The following ZNF713 variants were observed in gnomAD, a reference collection of about 807,000 sequenced individuals.
ZNF713 encodes zinc finger protein 713.
A neutral mutation model predicts 28.7 loss-of-function variants in ZNF713; 21 were observed. The ratio of observed to expected loss-of-function variants is 0.73; its 90% CI spans 0.52 to 1.05. The LOEUF is 1.05. ZNF713 is among the 50% of genes least tolerant of loss of function. ZNF713 has a pLI of 0.00. For missense variants in ZNF713, 458 were observed against 532.4 expected (o/e 0.86, Z 1.37); for synonymous variants, 167 against 178.0 (o/e 0.94, Z 0.49).
chr7:55,916,233 G>A (rs999767222), intron 4 of ZNF713, among the ~76,000 whole-genome samples: 2 of 152,150 alleles, frequency 1.3e-5, no homozygotes, highest in African/African-American at 4.8e-5. Context: ...ATAGAATCTG[G>A]CCTGTTACCT....
At chr7:55,901,088 A>G (rs999883052) in intron 1 of ZNF713, among the ~76,000 whole-genome samples, 2 of 152,240 alleles carry the variant, frequency 1.3e-5, no homozygotes, top group Non-Finnish European at 2.9e-5. Context: ...CACAATGTGT[A>G]TTAGTCTGTT....
chr7:55,898,172 G>A (rs562849149), intron 1 of ZNF713, among the ~76,000 whole-genome samples: 4 of 152,332 alleles, frequency 2.6e-5, no homozygotes, highest in South Asian at 2.1e-4. Flanking sequence ...GTTCCATGAC[G>A]TTTGTCTAGA....
At chr7:55,935,898 T>C (rs1489361675) in intron 6 of ZNF713, among the ~76,000 whole-genome samples, 1 of 151,524 alleles carries the variant, frequency 6.6e-6, no homozygotes, top group Non-Finnish European at 1.5e-5. Flanking sequence ...GCGCTTGCAA[T>C]GAGCCGAGAT....
At chr7:55,915,719 G>T (rs1342314473) in intron 4 of ZNF713, among the ~76,000 whole-genome samples, 1 of 152,212 alleles carries the variant, frequency 6.6e-6, no homozygotes, top group Non-Finnish European at 1.5e-5. Flanking sequence ...TGTGGAAGGA[G>T]GGAGAGAATG....
At position 55,941,943 on chromosome 7, in the gene ZNF713, A is replaced by C. The variant is rs551898520; in HGVS notation, c.*1937A>C. ...CCTATTGATGAACTTTGAAATATTG[A>C]TTCAGAGAAGTCTGCTTTTCTATTT... On this transcript the variant is annotated 3_prime_UTR_variant, in exon 7 of 7. Coordinates refer to ENST00000429591, the MANE Select transcript of ZNF713 (RefSeq NM_182633.3). 1 of 152,174 alleles carries C rather than the reference A, an allele frequency of 6.6e-6. No homozygotes were observed. Among genetic ancestry groups the C allele is most frequent in the African/African-American group, 2.4e-5 (1 of 41,454 alleles). 9.4% of individuals were successfully genotyped at this position (152,174 alleles called of 1,614,324 possible). A position where few individuals can be genotyped will look rare whatever the true frequency, so the allele number is the denominator to read the frequency against.
chr7:55,899,908 C>A (rs1486255128), intron 1 of ZNF713, among the ~76,000 whole-genome samples: 3 of 151,762 alleles, frequency 2.0e-5, no homozygotes, highest in Admixed American at 2.0e-4. Flanking sequence ...CACACCCGGC[C>A]AATTTTTGTA....
At chr7:55,927,153 A>C (rs1181774183) in intron 6 of ZNF713, among the ~76,000 whole-genome samples, 1 of 151,968 alleles carries the variant, frequency 6.6e-6, no homozygotes, top group African/African-American at 2.4e-5. Context: ...AACAAACAAA[A>C]AAAGAAGCAG....
chr7:55,933,464 T>A (rs1297146414), intron 6 of ZNF713, among the ~76,000 whole-genome samples: 1 of 151,412 alleles, frequency 6.6e-6, no homozygotes, highest in Non-Finnish European at 1.5e-5. Flanking sequence ...CCTGGCTAAT[T>A]TTTTGTATTT....
At chr7:55,917,739 T>G (rs977184105) in intron 4 of ZNF713, among the ~76,000 whole-genome samples, 1 of 151,536 alleles carries the variant, frequency 6.6e-6, no homozygotes, top group Non-Finnish European at 1.5e-5. Flanking sequence ...TTAAAGACAG[T>G]TCACAGCAAA....
rs1785274815 is a variant in ZNF713 at position 55,887,697 on chromosome 7, A to C, written c.-583+17A>C. The C allele has an allele frequency of 1.2e-5, 1 of 84,588 alleles. No individual in the cohort carries two copies. The highest frequency in any genetic ancestry group is 4.2e-4 in the East Asian group (1 of 2,354). 5.2% of individuals were successfully genotyped at this position (84,588 alleles called of 1,614,324 possible). On this transcript the variant is annotated intron_variant, in intron 1 of 6. Coordinates refer to ENST00000429591, the MANE Select transcript of ZNF713 (RefSeq NM_182633.3). ...TCTGCGGAGGTGAGTGCGCGCCGGG[A>C]GGAGGCGGAGGCGGGAGGCGGAGGC...
intron 4 of ZNF713, among the ~76,000 whole-genome samples, chr7:55,918,867 G>A (rs1785933741): frequency 6.6e-6 from 1 of 151,978 alleles, no homozygotes; most frequent in African/African-American, 2.4e-5. Flanking sequence ...GGTGGTTTGC[G>A]CCCGTAATCC....
chr7:55,940,640 C>T lies in ZNF713; in HGVS notation c.*634C>T, dbSNP rs1368621401. ...CCTGCAATCCCAGCTACTCTGGAGA[C>T]TGAGGCATGAGAATGACTTGAACAT... On this transcript the variant is annotated 3_prime_UTR_variant, in exon 7 of 7. Transcript: ENST00000429591. The T allele has an allele frequency of 1.2e-6, 1 of 825,854 alleles. No individual in the cohort carries two copies. Among genetic ancestry groups the T allele is most frequent in the South Asian group, 5.5e-5 (1 of 18,072 alleles). The allele number at this position is 825,854 out of a possible 1,614,324, so 51.2% of individuals were successfully genotyped here.
At chr7:55,899,444 G>T (rs981787049) in intron 1 of ZNF713, among the ~76,000 whole-genome samples, 1 of 112,084 alleles carries the variant, frequency 8.9e-6, no homozygotes, top group East Asian at 3.6e-4. Flanking sequence ...GGGGGGGGGG[G>T]GGTTGATCAC....
At position 55,909,969 on chromosome 7, in the gene ZNF713, TTATG is replaced by T. The variant is rs1441809617; in HGVS notation, c.-455-1645_-455-1642del. Reference sequence around the variant, plus strand: ...TATATATGTGTGTGTATATATACGTTTATGTGTGTGTGTGTGTGTGTGTATATAC... The same window carrying T: ...TATATATGTGTGTGTATATATACGTTTGTGTGTGTGTGTGTGTGTATATAC... On this transcript the variant is annotated intron_variant, in intron 2 of 6. Coordinates refer to ENST00000429591, the MANE Select transcript of ZNF713 (RefSeq NM_182633.3). Among the ~76,000 whole-genome samples, 64 of 148,926 alleles carry T rather than the reference TTATG, an allele frequency of 4.3e-4. 1 individual carries two copies. The East Asian group carries it at 9.0e-3, about 21-fold the overall frequency.
At chr7:55,937,247 G>C (rs2116273189) in intron 6 of ZNF713, among the ~76,000 whole-genome samples, 1 of 152,198 alleles carries the variant, frequency 6.6e-6, no homozygotes, top group East Asian at 1.9e-4. Flanking sequence ...GTTGCAGGGA[G>C]CCAAGAGCAC....
At chr7:55,903,011 A>T (rs1421403289) in intron 1 of ZNF713, among the ~76,000 whole-genome samples, 1 of 151,748 alleles carries the variant, frequency 6.6e-6, no homozygotes, top group Non-Finnish European at 1.5e-5. Context: ...AAAAAAAAAA[A>T]AAAAGAGTGT....
chr7:55,937,769 T>C (rs1046522089), intron 6 of ZNF713, among the ~76,000 whole-genome samples: 1 of 151,192 alleles, frequency 6.6e-6, no homozygotes, highest in African/African-American at 2.4e-5. Context: ...TAGTCAGGCA[T>C]GGTGGCACAC....
intron 4 of ZNF713, 126 bp downstream of exon 4, chr7:55,912,849 A>T: frequency 1.4e-6 from 1 of 703,220 alleles, no homozygotes; most frequent in South Asian, 1.8e-5. Context: ...GTGACAGATG[A>T]TATACTCTCC....
chr7:55,906,847 A>G (rs1025253411), intron 2 of ZNF713, among the ~76,000 whole-genome samples: 1 of 152,168 alleles, frequency 6.6e-6, no homozygotes, highest in Non-Finnish European at 1.5e-5. Flanking sequence ...TTTGAAATGT[A>G]AAGTAATTCA....
Sources: gnomAD v4.1 joint callset for allele counts (sites outside exome capture counted in the v4.1 genomes callset) on GRCh38, gnomAD v4.1.1 for gene constraint, MANE v1.5 for transcripts, NCBI Gene and HGNC (gene_info 2026-07-23, HGNC 2026-07-21) for gene names.